Variants in C12orf54 observed in about 807,000 individuals in gnomAD.
C12orf54 encodes the protein uncharacterized protein C12orf54.
C12orf54 carries 24 observed loss-of-function variants against 26.4 expected under a neutral mutation model. The ratio of observed to expected loss-of-function variants is 0.91; its 90% CI spans 0.66 to 1.28. The LOEUF is 1.28. C12orf54 is among the 50% of genes most tolerant of loss of function. The probability of loss-of-function intolerance (pLI) is 0.00; values close to 1 mark genes in which losing one functional copy is unlikely to be tolerated. For synonymous variants in C12orf54, 54 were observed against 47.0 expected (o/e 1.15, Z -0.61); for missense variants, 154 against 150.9 (o/e 1.02, Z -0.11).
At chr12:48,446,721 A>T in the C12orf54 span, among the ~76,000 whole-genome samples, 1 of 152,200 alleles carries the variant, frequency 6.6e-6, no homozygotes, top group South Asian at 2.1e-4. Flanking sequence ...ATTACTAGAT[A>T]TATTAAAAAT....
chr12:48,447,988 T>G, the C12orf54 span, among the ~76,000 whole-genome samples: 2 of 151,998 alleles, frequency 1.3e-5, no homozygotes, highest in African/African-American at 4.8e-5. Context: ...GGGCAGCCTC[T>G]AGGAGCAAAG....
At chr12:48,449,512 G>A in the C12orf54 span, among the ~76,000 whole-genome samples, 1 of 152,122 alleles carries the variant, frequency 6.6e-6, no homozygotes, top group African/African-American at 2.4e-5. Flanking sequence ...TGCTTAGATA[G>A]GAATTTGGGC....
In C12orf54 at chr12:48,494,983, C is replaced by T; in HGVS notation, c.*40+4C>T. The T allele has an allele frequency of 6.3e-7, 1 of 1,594,618 alleles. No individual in the cohort carries two copies. Among genetic ancestry groups the T allele is most frequent in the Admixed American group, 1.7e-5 (1 of 59,724 alleles). The stretch of plus-strand genomic sequence containing the variant: ...AGGACATCTCTGCTTCCGCCAGGTG[C>T]TTTACCCAAGCAGCCTTTCCCCTGA... On this transcript the variant is annotated splice_donor_region_variant and intron_variant, in intron 8 of 8. Transcript: ENST00000548364.
upstream of C12orf54, among the ~76,000 whole-genome samples, chr12:48,479,494 C>T (rs965166585): frequency 1.4e-4 from 21 of 151,938 alleles, no homozygotes; most frequent in East Asian, 1.2e-3. Context: ...CACATGTACC[C>T]TAAAACTTAA....
chr12:48,413,819 A>C, the C12orf54 span, among the ~76,000 whole-genome samples: 17 of 152,326 alleles, frequency 1.1e-4, no homozygotes, highest in African/African-American at 3.8e-4. Flanking sequence ...CTTGAGGATG[A>C]GACCTTGAAC....
At chr12:48,434,276 G>C in the C12orf54 span, among the ~76,000 whole-genome samples, 1 of 152,236 alleles carries the variant, frequency 6.6e-6, no homozygotes, top group Non-Finnish European at 1.5e-5. Flanking sequence ...AGCTCGAACT[G>C]GGTGCAGCCC....
chr12:48,447,630 A>C, the C12orf54 span, among the ~76,000 whole-genome samples: 23 of 152,244 alleles, frequency 1.5e-4, no homozygotes, highest in Non-Finnish European at 2.8e-4. Flanking sequence ...ACTATCCTAA[A>C]GTTAGAATAT....
chr12:48,432,730 G>T, the C12orf54 span, among the ~76,000 whole-genome samples: 3 of 152,072 alleles, frequency 2.0e-5, no homozygotes, highest in Non-Finnish European at 4.4e-5. Flanking sequence ...TTAGCCAGGC[G>T]TGGTGGTACA....
At chr12:48,463,494 T>C in the C12orf54 span, among the ~76,000 whole-genome samples, 1 of 151,574 alleles carries the variant, frequency 6.6e-6, no homozygotes, top group Non-Finnish European at 1.5e-5. Context: ...CTACCAGAGA[T>C]ACAAAGAAGA....
chr12:48,489,801 A>T (rs1438310742), intron 5 of C12orf54, among the ~76,000 whole-genome samples: 2 of 150,926 alleles, frequency 1.3e-5, no homozygotes, highest in African/African-American at 4.9e-5. Context: ...GGCTCACCAC[A>T]ACCTCCGCCT....
chr12:48,413,803 GT>G, the C12orf54 span, among the ~76,000 whole-genome samples: 153 of 152,272 alleles, frequency 1.0e-3, no homozygotes, highest in African/African-American at 3.6e-3. Flanking sequence ...TACCTACTTT[GT>G]ATTGCTTGAG....
At chr12:48,460,587 G>T in the C12orf54 span, among the ~76,000 whole-genome samples, 1 of 152,042 alleles carries the variant, frequency 6.6e-6, no homozygotes, top group Non-Finnish European at 1.5e-5. Context: ...AATGATAATT[G>T]ACTATTTAAA....
the C12orf54 span, among the ~76,000 whole-genome samples, chr12:48,466,858 T>G: frequency 6.6e-6 from 1 of 152,092 alleles, no homozygotes; most frequent in African/African-American, 2.4e-5. Flanking sequence ...AAAGCATATA[T>G]CCATACAAAA....
At chr12:48,473,282 CGAG>C in the C12orf54 span, 14 of 1,084,984 alleles carry the variant, frequency 1.3e-5, no homozygotes, top group East Asian at 2.5e-5. Context: ...TGAGTGGAGA[CGAG>C]GAGGAGAAGG....
At chr12:48,459,268 A>G in the C12orf54 span, among the ~76,000 whole-genome samples, 10 of 152,236 alleles carry the variant, frequency 6.6e-5, no homozygotes, top group African/African-American at 2.4e-4. Context: ...GCTTTCACCA[A>G]TATTCCAGTC....
At chr12:48,467,101 C>T in the C12orf54 span, among the ~76,000 whole-genome samples, 2 of 151,866 alleles carry the variant, frequency 1.3e-5, no homozygotes, top group Non-Finnish European at 2.9e-5. Context: ...TAAGATCATC[C>T]TAGATTAGGA....
the C12orf54 span, among the ~76,000 whole-genome samples, chr12:48,463,183 G>T: frequency 1.3e-5 from 2 of 151,844 alleles, no homozygotes; most frequent in African/African-American, 2.4e-5. Flanking sequence ...TCTAACGAAA[G>T]ATGTGCAAGA....
the C12orf54 span, chr12:48,473,555 A>G: frequency 3.0e-6 from 1 of 331,658 alleles, no homozygotes; most frequent in Non-Finnish European, 5.9e-6. Context: ...GGAAAAGTGT[A>G]CTGGGGGTTG....
At chr12:48,425,803 T>C in the C12orf54 span, among the ~76,000 whole-genome samples, 1 of 152,168 alleles carries the variant, frequency 6.6e-6, no homozygotes, top group Non-Finnish European at 1.5e-5. Flanking sequence ...TCATTGTGGT[T>C]TTCATTTGCA....
Sources: gnomAD v4.1 joint callset for allele counts (sites outside exome capture counted in the v4.1 genomes callset) on GRCh38, gnomAD v4.1.1 for gene constraint, MANE v1.5 for transcripts, NCBI Gene and HGNC (gene_info 2026-07-23, HGNC 2026-07-21) for gene names.